Variants in FAM13B observed in about 807,000 individuals in gnomAD.
FAM13B encodes the protein protein FAM13B.
A neutral mutation model predicts 117.3 loss-of-function variants in FAM13B; 60 were observed. The observed-to-expected ratio is 0.51, with a 90% confidence interval of 0.42 to 0.63. The LOEUF is 0.63. FAM13B is among the 30% of genes least tolerant of loss of function. The pLI is 0.00. For missense variants in FAM13B, 972 were observed against 1,091.9 expected, an observed-to-expected ratio of 0.89 and a Z score of 1.55; for synonymous variants, 332 against 356.1, an observed-to-expected ratio of 0.93 and a Z score of 0.76.
chr5:137,957,716 T>C (rs1030910258), intron 13 of FAM13B, among the ~76,000 whole-genome samples: 6 of 152,238 alleles, frequency 3.9e-5, no homozygotes, highest in African/African-American at 9.6e-5. Context: ...TTTCTGAAAG[T>C]TGCGGACCCC....
chr5:138,043,404 T>C (rs1280916382), intron 1 of FAM13B, among the ~76,000 whole-genome samples: 1 of 151,980 alleles, frequency 6.6e-6, no homozygotes, highest in Non-Finnish European at 1.5e-5. Context: ...TGACCTGTGT[T>C]TACCTTGTTC....
At position 137,985,368 on chromosome 5, in the gene FAM13B, A is replaced by G; in HGVS notation, c.1068T>C (p.Ile356=). Residue 356 remains isoleucine, a synonymous_variant, in exon 10 of 24, where the codon ATT becomes ATC. Coordinates refer to ENST00000689681, the MANE Select transcript of FAM13B (RefSeq NM_001385994.1). ...CTCTGTTACTTTCACTGGCATTAAT[A>G]ATATCATCAGCAATATCAATCCTAG... ...SNNQIDIADD[I]INASESNRDC... The G allele has an allele frequency of 9.9e-6, 16 of 1,613,860 alleles. No individual in the cohort carries two copies. Among genetic ancestry groups the G allele is most frequent in the Non-Finnish European group, 1.3e-5 (15 of 1,179,928 alleles).
At chr5:138,028,022 T>C (rs2151051086) in intron 1 of FAM13B, among the ~76,000 whole-genome samples, 1 of 152,370 alleles carries the variant, frequency 6.6e-6, no homozygotes. Flanking sequence ...CAGTTCTTTA[T>C]AGCAGTGTGA....
At chr5:138,027,535 G>T (rs1204486642) in intron 1 of FAM13B, among the ~76,000 whole-genome samples, 1 of 152,168 alleles carries the variant, frequency 6.6e-6, no homozygotes, top group East Asian at 1.9e-4. Flanking sequence ...CATTCTAACT[G>T]AACAAGTATG....
In FAM13B at chr5:138,021,169, A is replaced by G; in HGVS notation, c.-174T>C. 8.1e-7 allele frequency: 1 copy of G among 1,231,724 alleles called. No homozygotes were observed. Among genetic ancestry groups the G allele is most frequent in the Non-Finnish European group, 1.0e-6 (1 of 987,940 alleles). The allele number at this position is 1,231,724 out of a possible 1,614,324, so 76.3% of individuals were successfully genotyped here. A position where few individuals can be genotyped will look rare whatever the true frequency, so the allele number is the denominator to read the frequency against. ...CTGTAGTTCCTCATTGAAGAAATGC[A>G]GAACTCGATCAGTACTTCAGCAGTT... is the stretch of plus-strand genomic sequence containing the variant. On this transcript the variant is annotated 5_prime_UTR_variant, in exon 2 of 24. Transcript: ENST00000689681.
chr5:138,050,073 G>C (rs1351269691), intron 1 of FAM13B, among the ~76,000 whole-genome samples: 1 of 152,138 alleles, frequency 6.6e-6, no homozygotes, highest in Admixed American at 6.6e-5. Flanking sequence ...ACAAGTTCAA[G>C]GCTACAGTAA....
At chr5:137,950,255 T>C (rs1025686168) in intron 17 of FAM13B, among the ~76,000 whole-genome samples, 9 of 152,198 alleles carry the variant, frequency 5.9e-5, no homozygotes, top group African/African-American at 1.7e-4. Flanking sequence ...TTGGACGGGA[T>C]TGACAAAGAA....
intron 7 of FAM13B, among the ~76,000 whole-genome samples, chr5:138,000,095 A>C (rs762902277): frequency 9.2e-5 from 14 of 152,226 alleles, no homozygotes; most frequent in Non-Finnish European, 1.5e-5. Flanking sequence ...TTACACTAAT[A>C]TGTGATAGGT....
rs368257115 is a variant in FAM13B at position 137,946,315 on chromosome 5, G to C, written c.2161-4C>G. On this transcript the variant is annotated splice_region_variant and splice_polypyrimidine_tract_variant and intron_variant, in intron 18 of 23. Transcript: ENST00000689681. ...CCAAATGATCTTTGGTCATTTTCTG[G>C]AATTAAACAAAAAAAATAACAAAAT... The C allele has an allele frequency of 7.7e-7, 1 of 1,302,780 alleles. No homozygotes were observed. The allele number at this position is 1,302,780 out of a possible 1,614,324, so 80.7% of individuals were successfully genotyped here. A position where few individuals can be genotyped will look rare whatever the true frequency, so the allele number is the denominator to read the frequency against.
intron 7 of FAM13B, among the ~76,000 whole-genome samples, chr5:137,993,507 G>T (rs1471033657): frequency 6.6e-6 from 1 of 151,828 alleles, no homozygotes; most frequent in East Asian, 1.9e-4. Context: ...AAGAGGCTGA[G>T]CATGGTGGCT....
At chr5:137,975,988 T>TTTTTC (rs1247088284) in intron 10 of FAM13B, among the ~76,000 whole-genome samples, 1 of 146,832 alleles carries the variant, frequency 6.8e-6, no homozygotes, top group Non-Finnish European at 1.5e-5. Context: ...TCCTTTTTTT[T>TTTTTC]TTTTTTTGAG....
chr5:137,952,837 T>A, intron 16 of FAM13B, 128 bp from the exon 17 acceptor site: 4 of 592,448 alleles, frequency 6.8e-6, no homozygotes, highest in Non-Finnish European at 1.2e-5. Context: ...TTATTTTAAT[T>A]AGATAGGGCA....
chr5:138,031,253 C>T (rs910803971), intron 1 of FAM13B, among the ~76,000 whole-genome samples: 2 of 152,192 alleles, frequency 1.3e-5, no homozygotes, highest in South Asian at 2.1e-4. Flanking sequence ...AACATTTACA[C>T]CACCCAATGA....
intron 7 of FAM13B, among the ~76,000 whole-genome samples, chr5:138,003,979 T>A (rs1781904544): frequency 6.6e-6 from 1 of 152,108 alleles, no homozygotes; most frequent in Non-Finnish European, 1.5e-5. Flanking sequence ...TAAAGAATCC[T>A]AACAACTGGC....
chr5:137,962,150 G>C (rs532544909), intron 11 of FAM13B, among the ~76,000 whole-genome samples: 1 of 152,264 alleles, frequency 6.6e-6, no homozygotes, highest in African/African-American at 2.4e-5. Context: ...TCAACTGAAA[G>C]ATTTAAATGT....
intron 17 of FAM13B, 40 bp downstream of exon 17, chr5:137,952,588 T>A (rs1261971958): frequency 7.3e-7 from 1 of 1,370,840 alleles, no homozygotes; most frequent in African/African-American, 1.5e-5. Flanking sequence ...TAAAAAAATT[T>A]TTAAAATGCA....
chr5:137,959,915 A>C, intron 12 of FAM13B, 152 bp from the exon 13 acceptor site: 3 of 755,396 alleles, frequency 4.0e-6, no homozygotes, highest in Non-Finnish European at 6.4e-6. Context: ...ACTATTTTCA[A>C]ATATAAACAT....
intron 10 of FAM13B, among the ~76,000 whole-genome samples, chr5:137,975,016 C>T (rs780636904): frequency 3.9e-5 from 6 of 152,110 alleles, no homozygotes; most frequent in African/African-American, 1.2e-4. Context: ...TTTCTGGCTG[C>T]GTCCATGCTA....
chr5:137,965,405 C>T (rs191647499), intron 10 of FAM13B, among the ~76,000 whole-genome samples: 1 of 152,108 alleles, frequency 6.6e-6, no homozygotes, highest in Non-Finnish European at 1.5e-5. Flanking sequence ...TAGGAGCTAT[C>T]GGAGATTACT....
Sources: allele counts gnomAD v4.1 joint callset (sites outside exome capture counted in the v4.1 genomes callset), GRCh38; gene constraint gnomAD v4.1.1; transcripts MANE v1.5; gene names NCBI Gene and HGNC (gene_info 2026-07-23, HGNC 2026-07-21).